TDRD7: variants seen among roughly 807,000 people sequenced by gnomAD.
TDRD7 encodes tudor domain-containing protein 7.
TDRD7 carries 47 observed loss-of-function variants against 109.8 expected under a neutral mutation model. That is an observed-to-expected ratio of 0.43 (90% confidence interval 0.34 to 0.55). The LOEUF is 0.55. TDRD7 is among the 20% of genes least tolerant of loss of function. The probability of loss-of-function intolerance (pLI) is 0.03; values close to 1 mark genes in which losing one functional copy is unlikely to be tolerated. For missense variants in TDRD7, 1,164 were observed against 1,319.2 expected (o/e 0.88, Z 1.82); for synonymous variants, 424 against 457.3 (o/e 0.93, Z 0.93).
chr9:97,439,280 A>T lies in TDRD7; in HGVS notation c.599A>T (p.Gln200Leu). The change falls in exon 5 of 17, where the codon CAG becomes CTG. Residue 200 changes from glutamine (Q) to leucine (L), a missense_variant. By Grantham distance (113) the Gln-to-Leu change is moderately radical. Transcript: ENST00000355295. ...AAGGCGTCCCTTCAACCACCTTTGC[A>T]GATGCATCTCTCAAGAACCTCTACT... ...SPKASLQPPL[Q>L]MHLSRTSTKE... The T allele has an allele frequency of 6.2e-7, 1 of 1,603,032 alleles. No individual in the cohort carries two copies. Among genetic ancestry groups the T allele is most frequent in the South Asian group, 1.1e-5 (1 of 91,004 alleles).
intron 4 of TDRD7, among the ~76,000 whole-genome samples, chr9:97,437,103 T>C (rs1335947405): frequency 6.6e-6 from 1 of 152,202 alleles, no homozygotes; most frequent in African/African-American, 2.4e-5. Flanking sequence ...ATTAATTATC[T>C]ATTGCTGTGT....
intron 1 of TDRD7, among the ~76,000 whole-genome samples, chr9:97,427,865 A>G (rs1828027989): frequency 6.6e-6 from 1 of 152,176 alleles, no homozygotes; most frequent in South Asian, 2.1e-4. Context: ...ATTGCTGAGT[A>G]GTGATCTTTC....
chr9:97,476,741 T>C (rs1829029200), intron 12 of TDRD7, among the ~76,000 whole-genome samples: 1 of 152,110 alleles, frequency 6.6e-6, no homozygotes, highest in African/African-American at 2.4e-5. Context: ...TTGTATTATA[T>C]ATTTTGGGGG....
chr9:97,486,156 T>C (rs1829208949), intron 15 of TDRD7, among the ~76,000 whole-genome samples: 2 of 152,170 alleles, frequency 1.3e-5, no homozygotes, highest in Admixed American at 1.3e-4. Flanking sequence ...GCAAACCTGT[T>C]CCAGAGAATG....
At chr9:97,459,489 A>T (rs1275006935) in intron 6 of TDRD7, among the ~76,000 whole-genome samples, 3 of 152,218 alleles carry the variant, frequency 2.0e-5, no homozygotes, top group Non-Finnish European at 2.9e-5. Flanking sequence ...ATTATGCCAT[A>T]CATCAGTTTC....
intron 5 of TDRD7, among the ~76,000 whole-genome samples, chr9:97,440,767 C>T (rs564016361): frequency 6.6e-6 from 1 of 152,090 alleles, no homozygotes; most frequent in Non-Finnish European, 1.5e-5. Context: ...TTAAAATATG[C>T]ATATATTTTG....
At chr9:97,422,219 C>G (rs919160458) in intron 1 of TDRD7, among the ~76,000 whole-genome samples, 2 of 152,056 alleles carry the variant, frequency 1.3e-5, no homozygotes, top group African/African-American at 4.8e-5. Flanking sequence ...ATGGCAAAAC[C>G]CTGTCTCTAC....
chr9:97,437,714 G>A (rs1828230102), intron 4 of TDRD7, among the ~76,000 whole-genome samples: 1 of 152,136 alleles, frequency 6.6e-6, no homozygotes, highest in African/African-American at 2.4e-5. Context: ...CTGACATAAT[G>A]TCTGGCACAT....
chr9:97,486,973 A>T (rs1257929249), intron 15 of TDRD7, among the ~76,000 whole-genome samples, 199 bp from the exon 16 acceptor site: 1 of 152,238 alleles, frequency 6.6e-6, no homozygotes, highest in Non-Finnish European at 1.5e-5. Context: ...ATCAAATAAG[A>T]CAGTGGCAAA....
intron 6 of TDRD7, among the ~76,000 whole-genome samples, chr9:97,450,165 T>G (rs1421517976): frequency 6.5e-5 from 9 of 139,198 alleles, no homozygotes; most frequent in South Asian, 4.5e-4. Flanking sequence ...CTGCTGGAGG[T>G]GGGGGTGGGA....
At chr9:97,471,633 T>C (rs775541467) in intron 9 of TDRD7, among the ~76,000 whole-genome samples, 2 of 152,244 alleles carry the variant, frequency 1.3e-5, no homozygotes, top group African/African-American at 2.4e-5. Flanking sequence ...ATAGGCATTA[T>C]AGTACCATTG....
intron 16 of TDRD7, among the ~76,000 whole-genome samples, chr9:97,493,956 C>T (rs866262924): frequency 1.3e-5 from 2 of 152,184 alleles, no homozygotes; most frequent in Non-Finnish European, 2.9e-5. Context: ...GCCCAGATTT[C>T]ATATTGTTCA....
chr9:97,473,725 A>G, intron 11 of TDRD7, 99 bp downstream of exon 11: 1 of 1,513,408 alleles, frequency 6.6e-7, no homozygotes, highest in Non-Finnish European at 9.0e-7. Context: ...TTTTGTATGA[A>G]CGATTTTTTA....
chr9:97,417,692 A>G (rs765010612), intron 1 of TDRD7, among the ~76,000 whole-genome samples: 5 of 152,220 alleles, frequency 3.3e-5, no homozygotes, highest in Non-Finnish European at 7.3e-5. Flanking sequence ...ACACAAGTAA[A>G]AGGAGGCTCA....
chr9:97,463,374 A>AG (rs1168825251), intron 7 of TDRD7, among the ~76,000 whole-genome samples: 1 of 147,274 alleles, frequency 6.8e-6, no homozygotes, highest in East Asian at 2.1e-4. Context: ...GGACTTTCTG[A>AG]GTTTTGTTTT....
intron 16 of TDRD7, among the ~76,000 whole-genome samples, chr9:97,490,770 GT>G (rs986642525): frequency 1.5e-4 from 22 of 149,702 alleles, no homozygotes; most frequent in African/African-American, 5.2e-4. Flanking sequence ...TTGCTTTTCA[GT>G]TTTGAAAGTT....
Position 97,412,429 on chromosome 9 carries a change from G to C in TDRD7, c.-7+191G>C, listed in dbSNP as rs1827732142. 6.6e-6 allele frequency among the ~76,000 whole-genome samples: 1 copy of C among 152,204 alleles called. No individual in the cohort carries two copies. The highest frequency in any genetic ancestry group is 6.5e-5 in the Admixed American group (1 of 15,286). On this transcript the variant is annotated intron_variant, in intron 1 of 16. Coordinates refer to ENST00000355295, the MANE Select transcript of TDRD7 (RefSeq NM_014290.3). The surrounding 1 kb of genome is among the most constrained non-coding windows in gnomAD (Gnocchi z 4.3). Reference sequence around the variant, plus strand: ...CCCCGACGCCTGGGAACCGGGCTGGGCGCCGGGGGAGTTGGAGTTCCAGAG... The same window carrying C: ...CCCCGACGCCTGGGAACCGGGCTGGCCGCCGGGGGAGTTGGAGTTCCAGAG...
intron 6 of TDRD7, among the ~76,000 whole-genome samples, chr9:97,446,409 C>G (rs1345708339): frequency 1.3e-5 from 2 of 152,070 alleles, no homozygotes; most frequent in East Asian, 3.8e-4. Context: ...CACACCAAGC[C>G]TTAATTATAA....
chr9:97,444,894 T>A (rs1441804746), intron 6 of TDRD7, among the ~76,000 whole-genome samples: 1 of 152,192 alleles, frequency 6.6e-6, no homozygotes, highest in African/African-American at 2.4e-5. Flanking sequence ...AAATTTTATC[T>A]TCAGGGAGGC....
Sources: gnomAD v4.1 joint callset for allele counts (sites outside exome capture counted in the v4.1 genomes callset) on GRCh38, gnomAD v4.1.1 for gene constraint, Gnocchi (gnomAD v3.1) non-coding constraint, MANE v1.5 for transcripts, NCBI Gene and HGNC (gene_info 2026-07-23, HGNC 2026-07-21) for gene names.